Variants in ACSS1 observed in about 807,000 individuals in gnomAD.
ACSS1 encodes the protein acetyl-coenzyme A synthetase 2-like, mitochondrial.
In ACSS1, 42 loss-of-function variants were observed where a neutral mutation model predicts 75.3. The ratio of observed to expected loss-of-function variants is 0.56; its 90% CI spans 0.44 to 0.72. The LOEUF is 0.72. Ranked by LOEUF, ACSS1 falls within the 30% of genes least tolerant of loss-of-function variation. ACSS1 has a pLI of 0.00. For synonymous variants in ACSS1, 380 were observed against 376.8 expected, an observed-to-expected ratio of 1.01 and a Z score of -0.10; for missense variants, 782 against 935.7, an observed-to-expected ratio of 0.84 and a Z score of 2.14.
At chr20:25,040,557 C>T (rs1284975591) in intron 2 of ACSS1, among the ~76,000 whole-genome samples, 1 of 152,260 alleles carries the variant, frequency 6.6e-6, no homozygotes, top group African/African-American at 2.4e-5. Flanking sequence ...TCCTGCTCCC[C>T]AGTGCTGTGC....
chr20:25,054,575 C>T (rs2089217958), intron 1 of ACSS1, among the ~76,000 whole-genome samples: 1 of 152,216 alleles, frequency 6.6e-6, no homozygotes, highest in South Asian at 2.1e-4. Context: ...CCTCTGGTTG[C>T]AGGAAATTGC....
intron 3 of ACSS1, among the ~76,000 whole-genome samples, chr20:25,025,041 G>A (rs2088691398): frequency 6.6e-6 from 1 of 152,224 alleles, no homozygotes; most frequent in South Asian, 2.1e-4. Flanking sequence ...GGTTGGTCCA[G>A]GTAAGCCCCC....
intron 2 of ACSS1, among the ~76,000 whole-genome samples, chr20:25,043,482 G>C (rs747387961): frequency 5.9e-5 from 9 of 152,214 alleles, no homozygotes; most frequent in Non-Finnish European, 1.3e-4. Flanking sequence ...CAGGTGCCAG[G>C]CCTCACAGAT....
intron 10 of ACSS1, 33 bp downstream of exon 10, chr20:25,013,503 A>G (rs1297743434): frequency 1.9e-6 from 3 of 1,558,046 alleles, no homozygotes; most frequent in Non-Finnish European, 2.6e-6. Context: ...GTCAGCTGAA[A>G]AGGAATGAGA....
rs1180426315 is a variant in ACSS1, at chr20:25,057,950, T to A, written c.153A>T (p.Ala51=). 1 of 1,601,006 alleles carries A rather than the reference T, an allele frequency of 6.2e-7. No individual in the cohort carries two copies. The highest frequency in any genetic ancestry group is 2.3e-5 in the East Asian group (1 of 43,936). The part of the protein sequence containing the change: ...PSGSAPAVAA[A]AAQPGSYPAL... ...CGGGATACGAGCCTGGCTGTGCTGC[T>A]GCTGCTGCAACTGCGGGAGCGCTGC... Residue 51 remains alanine (A), a synonymous_variant, in exon 1 of 14, where the codon GCA becomes GCT. Coordinates refer to ENST00000323482, the MANE Select transcript of ACSS1 (RefSeq NM_032501.4).
At chr20:25,050,161 C>G (rs781173426) in intron 1 of ACSS1, among the ~76,000 whole-genome samples, 8 of 152,144 alleles carry the variant, frequency 5.3e-5, no homozygotes, top group Non-Finnish European at 1.0e-4. Context: ...GTGCTAACCA[C>G]CCTGACCAGG....
intron 3 of ACSS1, among the ~76,000 whole-genome samples, chr20:25,028,302 A>C (rs1003459134): frequency 6.6e-6 from 1 of 152,220 alleles, no homozygotes; most frequent in Non-Finnish European, 1.5e-5. Context: ...GAGCCAAAAC[A>C]ATCTTGAAAA....
chr20:25,048,643 C>T (rs2089133285), intron 1 of ACSS1, among the ~76,000 whole-genome samples: 1 of 152,358 alleles, frequency 6.6e-6, no homozygotes, highest in Non-Finnish European at 1.5e-5. Flanking sequence ...CCAGTGCTGA[C>T]CTGCCCCCAA....
chr20:25,017,167 C>T (rs2088533988), intron 7 of ACSS1, among the ~76,000 whole-genome samples: 1 of 152,120 alleles, frequency 6.6e-6, no homozygotes, highest in Admixed American at 6.5e-5. Context: ...CTCCTAAGGA[C>T]ATCAGCTTTA....
intron 12 of ACSS1, chr20:25,011,080 C>T (rs1285473687): frequency 6.6e-6 from 1 of 152,174 alleles, no homozygotes; most frequent in Non-Finnish European, 1.5e-5. Flanking sequence ...GACAAATTAT[C>T]CCCACACATC....
chr20:25,014,192 A>C (rs1420179813), intron 8 of ACSS1, 119 bp from the exon 9 acceptor site: 1 of 816,434 alleles, frequency 1.2e-6, no homozygotes, highest in African/African-American at 1.7e-5. Flanking sequence ...TCAGGGGCAC[A>C]ACGATCTTTG....
intron 2 of ACSS1, among the ~76,000 whole-genome samples, chr20:25,047,751 A>T (rs2089118527): frequency 1.3e-5 from 2 of 152,190 alleles, no homozygotes; most frequent in African/African-American, 4.8e-5. Flanking sequence ...CGCCCAAAGC[A>T]CACAGCATCT....
chr20:25,038,810 G>C (rs2122717022), intron 2 of ACSS1, among the ~76,000 whole-genome samples: 1 of 152,232 alleles, frequency 6.6e-6, no homozygotes, highest in South Asian at 2.1e-4. Flanking sequence ...AGGCCAGAGG[G>C]AAGGCAGTTC....
intron 2 of ACSS1, chr20:25,032,727 A>G (rs990541510): frequency 1.8e-6 from 2 of 1,125,938 alleles, no homozygotes; most frequent in East Asian, 4.6e-5. Flanking sequence ...GTGAAGCTCA[A>G]CGAGGCCACC....
chr20:25,035,269 C>T (rs1340847373), intron 2 of ACSS1, among the ~76,000 whole-genome samples: 1 of 152,208 alleles, frequency 6.6e-6, no homozygotes, highest in Non-Finnish European at 1.5e-5. Context: ...ACCCTCCCAA[C>T]TCCTAATACA....
chr20:25,017,642 G>T (rs1457271120), intron 7 of ACSS1, among the ~76,000 whole-genome samples: 4 of 152,238 alleles, frequency 2.6e-5, no homozygotes, highest in Non-Finnish European at 1.5e-5. Context: ...CTGAGCCTCT[G>T]CTGGGGGCTG....
chr20:25,008,419 G>A (rs1381555318), intron 13 of ACSS1, among the ~76,000 whole-genome samples: 1 of 152,230 alleles, frequency 6.6e-6, no homozygotes, highest in East Asian at 1.9e-4. Flanking sequence ...ACTGCAAATG[G>A]CAATGCATTA....
chr20:25,030,944 G>A lies in ACSS1; in HGVS notation c.446C>T (p.Thr149Ile). ...VRITYRELLETTCRLANTLKR... is the reference protein window; with the variant it reads ...VRITYRELLEITCRLANTLKR... ...CAGCGTGTTGGCCAGGCGGCACGTG[G>A]TCTCCAGTAGTTCCCTGCAGCACAG... The change falls in exon 3 of 14, where the codon ACC becomes ATC. Residue 149 changes from threonine (T) to isoleucine (I), a missense_variant. Thr to Ile is a moderately conservative substitution (Grantham distance 89). Transcript: ENST00000323482. The A allele has an allele frequency of 6.2e-7, 1 of 1,614,090 alleles. No individual in the cohort carries two copies. The highest frequency in any genetic ancestry group is 8.5e-7 in the Non-Finnish European group (1 of 1,179,990).
intron 13 of ACSS1, among the ~76,000 whole-genome samples, chr20:25,008,834 C>T (rs1016377781): frequency 2.0e-4 from 31 of 152,248 alleles, no homozygotes; most frequent in African/African-American, 7.5e-4. Flanking sequence ...CTAGCCTGCA[C>T]ATGCCAACAT....
Sources: allele counts gnomAD v4.1 joint callset (sites outside exome capture counted in the v4.1 genomes callset), GRCh38; gene constraint gnomAD v4.1.1; transcripts MANE v1.5; gene names NCBI Gene and HGNC (gene_info 2026-07-23, HGNC 2026-07-21).